Variants in BATF observed in about 807,000 individuals in gnomAD.
BATF encodes basic leucine zipper ATF-like transcription factor.
A neutral mutation model predicts 13.7 loss-of-function variants in BATF; 5 were observed. That is an observed-to-expected ratio of 0.36 (90% CI 0.19 to 0.77). BATF has a LOEUF of 0.77. BATF is among the 30% of genes least tolerant of loss of function. BATF has a pLI of 0.51. For synonymous variants in BATF, 72 were observed against 67.5 expected, an observed-to-expected ratio of 1.07 and a Z score of -0.33; for missense variants, 124 against 163.0, an observed-to-expected ratio of 0.76 and a Z score of 1.30.
chr14:75,525,222 CT>C (rs777206759), intron 2 of BATF, 34 bp downstream of exon 2: 1 of 1,593,512 alleles, frequency 6.3e-7, no homozygotes, highest in East Asian at 2.2e-5. Flanking sequence ...TCCTCGTGAG[CT>C]TTAGGCTTTG....
At chr14:75,531,750 T>C (rs1225760324) in intron 2 of BATF, among the ~76,000 whole-genome samples, 1 of 152,196 alleles carries the variant, frequency 6.6e-6, no homozygotes, top group Non-Finnish European at 1.5e-5. Flanking sequence ...AATTGAGTAA[T>C]GGAGGAAAAG....
chr14:75,523,208 TAA>T (rs60531963), intron 1 of BATF, among the ~76,000 whole-genome samples: 12,643 of 139,080 alleles, frequency 0.091, 674 homozygotes, highest in Non-Finnish European at 0.13. Flanking sequence ...AGGGAAAAGT[TAA>T]AAAAAAAAAA....
At position 75,546,583 on chromosome 14, in the gene BATF, C is replaced by T. The variant is rs140409302; in HGVS notation, c.290C>T (p.Ala97Val). The T allele has an allele frequency of 3.3e-5, 54 of 1,613,978 alleles. No homozygotes were observed. Among genetic ancestry groups the T allele is most frequent in the Non-Finnish European group, 4.3e-5 (51 of 1,179,996 alleles). Residue 97 changes from alanine (A) to valine (V), a missense_variant, in exon 3 of 3, where the codon GCC (alanine) becomes GTC (valine). Physicochemically the swap from Ala to Val is moderately conservative, Grantham distance 64 (BLOSUM62 0). Around this residue, in one of 2 missense-constraint regions of BATF, gnomAD observed 59 missense variants for 49.7 expected, o/e 1.19. Coordinates refer to ENST00000286639, the MANE Select transcript of BATF (RefSeq NM_006399.5). ...CACGAGCCCCTGTGCTCGGTGCTGG[C>T]CGCCAGCACGCCCTCGCCCCCCGAG... ...NSHEPLCSVL[A>V]ASTPSPPEVV...
chr14:75,545,724 TG>T (rs1403075521), intron 2 of BATF, among the ~76,000 whole-genome samples: 1 of 152,154 alleles, frequency 6.6e-6, no homozygotes, highest in Non-Finnish European at 1.5e-5. Context: ...CCTTAGGCTC[TG>T]GCCTGCCAGC....
At chr14:75,535,743 G>C (rs1215298793) in intron 2 of BATF, among the ~76,000 whole-genome samples, 1 of 152,074 alleles carries the variant, frequency 6.6e-6, no homozygotes, top group Non-Finnish European at 1.5e-5. Flanking sequence ...GTAAATGTCT[G>C]GTCACCCTAG....
intron 2 of BATF, among the ~76,000 whole-genome samples, chr14:75,540,968 C>T (rs2140041679): frequency 6.6e-6 from 1 of 152,164 alleles, no homozygotes; most frequent in South Asian, 2.1e-4. Flanking sequence ...GCACCTGTAA[C>T]CCCAGCTACC....
intron 2 of BATF, among the ~76,000 whole-genome samples, chr14:75,546,098 G>A (rs1277663337): frequency 2.0e-5 from 3 of 152,042 alleles, no homozygotes; most frequent in African/African-American, 4.8e-5. Flanking sequence ...CCCACCTCAG[G>A]CAATCCGCCC....
At chr14:75,524,458 G>C (rs2140033406) in intron 1 of BATF, among the ~76,000 whole-genome samples, 1 of 152,326 alleles carries the variant, frequency 6.6e-6, no homozygotes, top group Non-Finnish European at 1.5e-5. Context: ...GTGCAGAGTA[G>C]CTAGCGGGGA....
intron 2 of BATF, among the ~76,000 whole-genome samples, chr14:75,533,331 G>A (rs938968116): frequency 6.6e-6 from 1 of 151,736 alleles, no homozygotes; most frequent in African/African-American, 2.4e-5. Flanking sequence ...GGGAGGATGA[G>A]GCAGGAGAAC....
chr14:75,522,850 G>GCTC (rs1887593082), intron 1 of BATF, 105 bp downstream of exon 1: 1 of 1,417,090 alleles, frequency 7.1e-7, no homozygotes, highest in Admixed American at 1.8e-5. Flanking sequence ...GGAGGAAGTG[G>GCTC]CTCGTTGCAC....
intron 2 of BATF, among the ~76,000 whole-genome samples, chr14:75,532,320 T>C (rs1409822832): frequency 6.6e-6 from 1 of 152,188 alleles, no homozygotes; most frequent in Non-Finnish European, 1.5e-5. Flanking sequence ...CTCCAAAATC[T>C]ACACTGTCCC....
At chr14:75,523,219 A>AG (rs1887600642) in intron 1 of BATF, among the ~76,000 whole-genome samples, 1 of 106,902 alleles carries the variant, frequency 9.4e-6, no homozygotes, top group Non-Finnish European at 2.3e-5. Context: ...AAAAAAAAAA[A>AG]AAAAGAAGAA....
In BATF at chr14:75,546,594, C is replaced by T; in HGVS notation, c.301C>T (p.Pro101Ser). The change falls in exon 3 of 3, where the codon CCC (proline) becomes TCC (serine). Residue 101 changes from proline to serine, a missense_variant. Pro to Ser is a moderately conservative substitution (Grantham distance 74). Transcript: ENST00000286639. ...GTGCTCGGTGCTGGCCGCCAGCACG[C>T]CCTCGCCCCCCGAGGTGGTGTACAG... ...PLCSVLAAST[P>S]SPPEVVYSAH... 1 of 1,613,962 alleles carries T rather than the reference C, an allele frequency of 6.2e-7. No individual in the cohort carries two copies. The highest frequency in any genetic ancestry group is 8.5e-7 in the Non-Finnish European group (1 of 1,179,956).
chr14:75,545,732 C>A (rs558143383), intron 2 of BATF, among the ~76,000 whole-genome samples: 1 of 152,210 alleles, frequency 6.6e-6, no homozygotes, highest in South Asian at 2.1e-4. Context: ...TCTGGCCTGC[C>A]AGCTGCTTTC....
intron 2 of BATF, among the ~76,000 whole-genome samples, chr14:75,532,623 T>A (rs145229985): frequency 1.8e-4 from 27 of 152,352 alleles, no homozygotes; most frequent in African/African-American, 6.5e-4. Context: ...TTCATCATTA[T>A]CTGTGAATAG....
intron 2 of BATF, among the ~76,000 whole-genome samples, chr14:75,543,188 GT>G (rs1887923095): frequency 6.6e-6 from 1 of 152,216 alleles, no homozygotes; most frequent in Non-Finnish European, 1.5e-5. Context: ...CTTCTGGGAT[GT>G]GCCAGGAAAT....
chr14:75,537,459 C>T (rs939620946), intron 2 of BATF, among the ~76,000 whole-genome samples: 7 of 152,274 alleles, frequency 4.6e-5, no homozygotes, highest in Non-Finnish European at 7.4e-5. Flanking sequence ...AGTCAAGCAA[C>T]GTGATTTGAT....
intron 2 of BATF, among the ~76,000 whole-genome samples, chr14:75,535,322 G>A (rs1361943243): frequency 6.6e-6 from 1 of 152,110 alleles, no homozygotes. Flanking sequence ...GAGGTGGGAA[G>A]ATCACTTGAG....
At chr14:75,533,731 T>C (rs1200228445) in intron 2 of BATF, among the ~76,000 whole-genome samples, 2 of 152,110 alleles carry the variant, frequency 1.3e-5, no homozygotes, top group Non-Finnish European at 1.5e-5. Flanking sequence ...CCACTACGGG[T>C]TCACATGATG....
Sources: gnomAD v4.1 joint callset for allele counts (sites outside exome capture counted in the v4.1 genomes callset) on GRCh38, gnomAD v4.1.1 for gene constraint, gnomAD v4.1.1 regional missense constraint, MANE v1.5 for transcripts, NCBI Gene and HGNC (gene_info 2026-07-23, HGNC 2026-07-21) for gene names.